FARP2: variants seen among roughly 807,000 people sequenced by gnomAD.
The protein encoded by FARP2 is FERM, ARH/RhoGEF and pleckstrin domain protein 2, also known as FERM, ARHGEF and pleckstrin domain-containing protein 2.
FARP2 carries 111 observed loss-of-function variants against 130.5 expected under a neutral mutation model. The ratio of observed to expected loss-of-function variants is 0.85; its 90% confidence interval spans 0.73 to 1.00. FARP2 has a LOEUF of 1.00. Among genes scored for constraint, FARP2 ranks in the 50% least tolerant of loss-of-function variants. The pLI, the probability that FARP2 is intolerant of heterozygous loss-of-function variation, is 0.00. For missense variants in FARP2, 1,385 were observed against 1,346.3 expected (o/e 1.03, Z -0.45); for synonymous variants, 504 against 516.9 (o/e 0.98, Z 0.34).
At chr2:241,434,490 G>GA (rs1325885930) in intron 10 of FARP2, among the ~76,000 whole-genome samples, 169 bp downstream of exon 10, 1 of 152,132 alleles carries the variant, frequency 6.6e-6, no homozygotes, top group African/African-American at 2.4e-5. Flanking sequence ...TAAAATAACG[G>GA]AAAAAATACG....
chr2:241,393,298 A>T (rs1291264368), intron 2 of FARP2, among the ~76,000 whole-genome samples: 1 of 152,012 alleles, frequency 6.6e-6, no homozygotes, highest in Non-Finnish European at 1.5e-5. Context: ...GGGATGAAAG[A>T]CGTGAGCCAC....
intron 17 of FARP2, among the ~76,000 whole-genome samples, chr2:241,464,487 G>A (rs1370123213): frequency 7.6e-6 from 1 of 132,378 alleles, no homozygotes; most frequent in Non-Finnish European, 1.7e-5. Flanking sequence ...TCTCAGAACA[G>A]AGTCCATCTC....
chr2:241,468,127 T>G lies in FARP2; in HGVS notation c.1894-13T>G, dbSNP rs2064221938. The stretch of plus-strand genomic sequence containing the variant: ...TCTCCTCACCTAAAGGCCCCACTCT[T>G]GCGCCTCCACAGGAGTTTACCAGCT... On this transcript the variant is annotated splice_polypyrimidine_tract_variant and intron_variant, in intron 17 of 26. Coordinates refer to ENST00000264042, the MANE Select transcript of FARP2 (RefSeq NM_014808.4). The G allele has an allele frequency of 6.4e-7, 1 of 1,566,424 alleles. No homozygotes were observed.
chr2:241,483,238 G>A (rs953968128), intron 19 of FARP2, among the ~76,000 whole-genome samples: 1 of 152,244 alleles, frequency 6.6e-6, no homozygotes, highest in Admixed American at 6.5e-5. Flanking sequence ...CAGGTGCTCA[G>A]TAGATGGTTT....
At chr2:241,451,438 C>A (rs533447271) in intron 13 of FARP2, among the ~76,000 whole-genome samples, 14 of 152,292 alleles carry the variant, frequency 9.2e-5, no homozygotes, top group African/African-American at 3.4e-4. Context: ...AATTTCAAGT[C>A]TTTTAATGTT....
intron 21 of FARP2, among the ~76,000 whole-genome samples, chr2:241,485,097 C>T (rs1397636920): frequency 3.9e-5 from 6 of 152,072 alleles, no homozygotes; most frequent in Non-Finnish European, 5.9e-5. Context: ...CTCACTCCCT[C>T]CTTGTGGTCC....
intron 1 of FARP2, among the ~76,000 whole-genome samples, chr2:241,366,109 A>ATATATG (rs1662039833): frequency 2.4e-4 from 4 of 16,986 alleles, no homozygotes; most frequent in African/African-American, 6.0e-4. Context: ...AAAAAAATAT[A>ATATATG]TATATATATA....
chr2:241,415,376 G>A (rs2062638345), intron 7 of FARP2, among the ~76,000 whole-genome samples: 2 of 152,238 alleles, frequency 1.3e-5, no homozygotes, highest in African/African-American at 4.8e-5. Flanking sequence ...AGCAGGAAAC[G>A]GTCACTGGTT....
At chr2:241,428,057 C>T (rs1251923468) in intron 8 of FARP2, among the ~76,000 whole-genome samples, 14 of 152,198 alleles carry the variant, frequency 9.2e-5, no homozygotes, top group South Asian at 4.1e-4. Context: ...TGAGCCACCA[C>T]GCCCAGCCTA....
intron 4 of FARP2, among the ~76,000 whole-genome samples, chr2:241,406,128 T>C (rs370920525): frequency 0.013 from 1,938 of 151,500 alleles, 15 homozygotes; most frequent in Admixed American, 0.02. Context: ...ATGGTGAAAC[T>C]CCGCCTCTAC....
At position 241,481,454 on chromosome 2, in the gene FARP2, C is replaced by T. The variant is rs190960064; in HGVS notation, c.2263-2011C>T. ...TGTATGAATCATGTTCTGTGTTAGCCTTGTTAGAAGAAGGTATTGAAAATG... is the reference window on the plus strand; with the variant it reads ...TGTATGAATCATGTTCTGTGTTAGCTTTGTTAGAAGAAGGTATTGAAAATG... On this transcript the variant is annotated intron_variant, in intron 19 of 26. Transcript: ENST00000264042. Among the ~76,000 whole-genome samples, 13 of 152,254 alleles carry T rather than the reference C, an allele frequency of 8.5e-5. No individual in the cohort carries two copies. In the East Asian group the frequency reaches 1.9e-3, roughly 23 times the overall value.
At chr2:241,415,424 G>A (rs1453855628) in intron 7 of FARP2, among the ~76,000 whole-genome samples, 1 of 152,182 alleles carries the variant, frequency 6.6e-6, no homozygotes, top group Non-Finnish European at 1.5e-5. Context: ...GTCTCTCCCT[G>A]CTGAGACACA....
chr2:241,369,679 C>G (rs2061384380), intron 1 of FARP2, among the ~76,000 whole-genome samples: 2 of 152,006 alleles, frequency 1.3e-5, no homozygotes, highest in Admixed American at 1.3e-4. Context: ...GAAATGACTT[C>G]TAAAAATGTA....
intron 19 of FARP2, among the ~76,000 whole-genome samples, chr2:241,481,293 A>G (rs576033289): frequency 3.3e-5 from 5 of 152,332 alleles, no homozygotes; most frequent in African/African-American, 9.6e-5. Context: ...CCCATGGTCT[A>G]TATGTCCATT....
chr2:241,485,152 A>G (rs2064720051), intron 21 of FARP2, among the ~76,000 whole-genome samples: 1 of 151,322 alleles, frequency 6.6e-6, no homozygotes, highest in South Asian at 2.1e-4. Flanking sequence ...CCTTCTTGTA[A>G]TCTTCCCTCC....
intron 14 of FARP2, among the ~76,000 whole-genome samples, chr2:241,460,629 C>T (rs896540931): frequency 6.6e-6 from 1 of 152,142 alleles, no homozygotes; most frequent in Admixed American, 6.6e-5. Flanking sequence ...GAAAGATGGG[C>T]TCAACCTTTC....
At chr2:241,387,361 C>T (rs1411615511) in intron 2 of FARP2, 1 of 152,140 alleles carries the variant, frequency 6.6e-6, no homozygotes, top group Non-Finnish European at 1.5e-5. Flanking sequence ...AAAAGTTTAA[C>T]ATACCTGTCT....
At chr2:241,425,795 A>T in intron 8 of FARP2, among the ~76,000 whole-genome samples, 1 of 130,474 alleles carries the variant, frequency 7.7e-6, no homozygotes. Context: ...CCCAGGCTGG[A>T]GTGCAATGTC....
At chr2:241,441,190 A>T in intron 12 of FARP2, 114 bp from the exon 13 acceptor site, 1 of 920,264 alleles carries the variant, frequency 1.1e-6, no homozygotes, top group Non-Finnish European at 1.6e-6. Context: ...CATTTTCATG[A>T]AAGCTGTGAT....
Sources: allele counts gnomAD v4.1 joint callset (sites outside exome capture counted in the v4.1 genomes callset), GRCh38; gene constraint gnomAD v4.1.1; transcripts MANE v1.5; gene names NCBI Gene and HGNC (gene_info 2026-07-23, HGNC 2026-07-21).